The following PHF24 variants were observed in gnomAD, a reference collection of about 807,000 sequenced individuals.
PHF24 encodes the protein Galpha inhibitory interacting protein.
Under a neutral mutation model 42.6 loss-of-function variants are expected in PHF24, and 25 were observed. That is an observed-to-expected ratio of 0.59 (90% confidence interval 0.43 to 0.82). The LOEUF (loss-of-function observed/expected upper bound fraction) is 0.82, where lower values mean the gene tolerates loss of function less well. Ranked by LOEUF, PHF24 falls within the 40% of genes least tolerant of loss-of-function variation. The pLI, the probability that PHF24 is intolerant of heterozygous loss-of-function variation, is 0.00. For missense variants in PHF24, 470 were observed against 538.1 expected (o/e 0.87, Z 1.25); for synonymous variants, 185 against 204.8 (o/e 0.90, Z 0.83).
At chr9:34,840,213 G>A in the PHF24 span, among the ~76,000 whole-genome samples, 1 of 151,978 alleles carries the variant, frequency 6.6e-6, no homozygotes, top group Non-Finnish European at 1.5e-5. Flanking sequence ...ACTTCAAAAG[G>A]TAGAAGAAGA....
chr9:34,788,725 T>A, the PHF24 span, among the ~76,000 whole-genome samples: 4 of 151,862 alleles, frequency 2.6e-5, no homozygotes, highest in Non-Finnish European at 5.9e-5. Context: ...AGCAGGAGGG[T>A]GAGCCCCTGA....
At chr9:34,727,696 A>T in the PHF24 span, among the ~76,000 whole-genome samples, 4 of 152,212 alleles carry the variant, frequency 2.6e-5, no homozygotes, top group Non-Finnish European at 5.9e-5. Flanking sequence ...TGACTTCTTT[A>T]TTCAAAACCC....
the PHF24 span, among the ~76,000 whole-genome samples, chr9:34,940,926 G>A: frequency 6.6e-6 from 1 of 152,182 alleles, no homozygotes; most frequent in African/African-American, 2.4e-5. Context: ...AACACAAGGA[G>A]CCTGAAATGC....
At chr9:34,779,442 T>G in the PHF24 span, among the ~76,000 whole-genome samples, 1 of 152,164 alleles carries the variant, frequency 6.6e-6, no homozygotes, top group South Asian at 2.1e-4. Context: ...CTCCCTATAT[T>G]AATCTACATA....
chr9:34,920,741 TATTTTA>T, the PHF24 span, among the ~76,000 whole-genome samples: 2 of 152,212 alleles, frequency 1.3e-5, no homozygotes, highest in Non-Finnish European at 2.9e-5. Flanking sequence ...TGTTCCTAGA[TATTTTA>T]TTTTATTTGT....
the PHF24 span, among the ~76,000 whole-genome samples, chr9:34,900,888 C>G: frequency 6.6e-6 from 1 of 152,180 alleles, no homozygotes; most frequent in Admixed American, 6.5e-5. Flanking sequence ...ATGCTGGTAC[C>G]TTCCCAGCCT....
the PHF24 span, among the ~76,000 whole-genome samples, chr9:34,782,631 C>A: frequency 6.6e-6 from 1 of 152,172 alleles, no homozygotes; most frequent in East Asian, 1.9e-4. Flanking sequence ...CTACTCCAAT[C>A]CCTGAGGCAG....
chr9:34,895,558 A>C, the PHF24 span: 12 of 398,514 alleles, frequency 3.0e-5, no homozygotes, highest in Non-Finnish European at 1.8e-5. Flanking sequence ...CAATTTAGCC[A>C]TGGTCATAGT....
At chr9:34,981,678 G>A (rs1286229097) in exon 8 of PHF24, 2 of 151,624 alleles carry the variant, frequency 1.3e-5, no homozygotes, top group African/African-American at 2.4e-5. Flanking sequence ...CTTCAGGACT[G>A]TCACCACAGT....
chr9:34,727,976 A>G, the PHF24 span: 41 of 1,530,126 alleles, frequency 2.7e-5, 1 homozygote, highest in Middle Eastern at 3.5e-4. Flanking sequence ...AGAAATCATC[A>G]TAGGCCAGGC....
At chr9:34,882,104 A>G in the PHF24 span, among the ~76,000 whole-genome samples, 1 of 152,232 alleles carries the variant, frequency 6.6e-6, no homozygotes, top group Admixed American at 6.5e-5. Flanking sequence ...AGAACCAAAG[A>G]CAAAAACCAC....
the PHF24 span, among the ~76,000 whole-genome samples, chr9:34,707,098 A>G: frequency 6.6e-6 from 1 of 152,232 alleles, no homozygotes; most frequent in Admixed American, 6.5e-5. Context: ...ACATCCAGCC[A>G]GAGTGGGCAC....
chr9:34,977,080 C>T lies in PHF24; in HGVS notation c.850-3C>T, dbSNP rs76373558. On this transcript the variant is annotated splice_polypyrimidine_tract_variant and splice_region_variant and intron_variant, in intron 5 of 7. Coordinates refer to ENST00000242315, the Ensembl canonical transcript of PHF24. ...CTCTAAGATCTTGTCTCTTCTTCCC[C>T]AGAACTCTCTGTTGAGGCTTCTGAC... 4.8e-4 allele frequency: 759 copies of T among 1,587,230 alleles called. 4 individuals are homozygous for T. The African/African-American group carries it at 8.4e-3, about 18-fold the overall frequency.
exon 8 of PHF24, chr9:34,978,110 A>T (rs1001087012): frequency 6.2e-7 from 1 of 1,612,096 alleles, no homozygotes; most frequent in African/African-American, 1.3e-5. Context: ...CCCCCAGGAT[A>T]GCATGGAGCA....
the PHF24 span, among the ~76,000 whole-genome samples, chr9:34,857,660 C>T: frequency 6.6e-6 from 1 of 152,182 alleles, no homozygotes; most frequent in South Asian, 2.1e-4. Flanking sequence ...AACCTGGGTA[C>T]CTCAGTTGAA....
the PHF24 span, chr9:34,836,993 C>A: frequency 2.2e-6 from 1 of 456,490 alleles, no homozygotes; most frequent in South Asian, 1.6e-5. Context: ...CTCCTCAGTC[C>A]TGCCCCAGGC....
At chr9:34,796,187 C>T in the PHF24 span, among the ~76,000 whole-genome samples, 1 of 151,958 alleles carries the variant, frequency 6.6e-6, no homozygotes, top group South Asian at 2.1e-4. Flanking sequence ...AACAGTAAAA[C>T]TTAACCTAAA....
the PHF24 span, among the ~76,000 whole-genome samples, chr9:34,791,513 G>A: frequency 1.2e-3 from 183 of 151,388 alleles, 1 homozygote; most frequent in African/African-American, 4.3e-3. Context: ...AAAAATTCAA[G>A]TTATCAGAAT....
the PHF24 span, chr9:34,723,183 T>C: frequency 1.3e-6 from 2 of 1,519,846 alleles, no homozygotes; most frequent in African/African-American, 1.4e-5. Flanking sequence ...TGGCTCTGCA[T>C]GTTCTCCTTG....
Sources: allele counts gnomAD v4.1 joint callset (sites outside exome capture counted in the v4.1 genomes callset), GRCh38; gene constraint gnomAD v4.1.1; transcripts MANE v1.5; gene names NCBI Gene and HGNC (gene_info 2026-07-23, HGNC 2026-07-21).